NOX4: variants seen among roughly 807,000 people sequenced by gnomAD.
NOX4 encodes the protein kidney oxidase-1.
Under a neutral mutation model 87.6 loss-of-function variants are expected in NOX4, and 69 were observed. The observed-to-expected ratio is 0.79, with a 90% CI of 0.65 to 0.96. The LOEUF is 0.96. Among genes scored for constraint, NOX4 ranks in the 40% least tolerant of loss-of-function variants. The pLI is 0.00. For synonymous variants in NOX4, 275 were observed against 238.2 expected (o/e 1.15, Z -1.42); for missense variants, 680 against 681.5 (o/e 1.00, Z 0.02).
rs537232722 is a variant in NOX4 at position 89,324,957 on chromosome 11, T to C, written c.*1799A>G. The C allele has an allele frequency of 3.9e-5, 6 of 152,018 alleles. No individual in the cohort carries two copies. The highest frequency in any genetic ancestry group is 3.9e-4 in the Admixed American group (6 of 15,280). 9.4% of individuals were successfully genotyped at this position (152,018 alleles called of 1,614,324 possible). The stretch of plus-strand genomic sequence containing the variant: ...ATGCTTGATTGCTATTGGTGAATTA[T>C]AGCAAAAAAAGGCCTTAGCATCTAT... On this transcript the variant is annotated 3_prime_UTR_variant, in exon 18 of 18. Coordinates refer to ENST00000263317, the MANE Select transcript of NOX4 (RefSeq NM_016931.5).
At chr11:89,469,275 A>C (rs574728223) in intron 2 of NOX4, among the ~76,000 whole-genome samples, 2 of 152,274 alleles carry the variant, frequency 1.3e-5, no homozygotes, top group South Asian at 4.1e-4. Flanking sequence ...GAGTTGAAAA[A>C]GCCAGAGAGG....
chr11:89,421,957 AC>A lies in NOX4; in HGVS notation c.573del (p.Trp191CysfsTer14). ...AIRVSNYDIFWYTHNLFFVFY... is the reference protein window; with the variant it reads ...AIRVSNYDIFXYTHNLFFVFY... The stretch of plus-strand genomic sequence containing the variant: ...AAGACAAAGAAGAGGTTATGAGTAT[AC>A]CAGAAGATATCATAGTTAGAAACTC... On this transcript the variant is annotated frameshift_variant, in exon 8 of 18. Transcript: ENST00000263317. LOFTEE classifies it high-confidence loss of function. The A allele has an allele frequency of 6.4e-7, 1 of 1,556,584 alleles. No homozygotes were observed. The highest frequency in any genetic ancestry group is 1.2e-5 in the South Asian group (1 of 82,168).
At chr11:89,491,609 G>A, upstream of NOX4, 1 of 272,118 alleles carries the variant, frequency 3.7e-6, no homozygotes, top group Non-Finnish European at 6.9e-6. Context: ...GATGTCCCGG[G>A]TGGGAACTTG....
chr11:89,416,507 A>T (rs540457958), intron 8 of NOX4, among the ~76,000 whole-genome samples: 5 of 152,296 alleles, frequency 3.3e-5, no homozygotes, highest in Admixed American at 1.3e-4. Context: ...TCTATCCTCT[A>T]ACAGTATATC....
the NOX4 span, among the ~76,000 whole-genome samples, chr11:89,575,343 C>T: frequency 2.0e-5 from 3 of 151,890 alleles, no homozygotes; most frequent in Non-Finnish European, 4.4e-5. Flanking sequence ...GTGATGATGC[C>T]AAGAAATTTT....
At chr11:89,373,308 ACCCAGAAC>A in intron 12 of NOX4, 116 bp downstream of exon 12, 1 of 534,320 alleles carries the variant, frequency 1.9e-6, no homozygotes, top group Non-Finnish European at 3.3e-6. Flanking sequence ...ACAAAAAAAA[ACCCAGAAC>A]AGCTTGAAAC....
Position 89,339,653 on chromosome 11 carries a change from T to C in NOX4, c.1446+410A>G, listed in dbSNP as rs12099272. On this transcript the variant is annotated intron_variant, in intron 15 of 17. Coordinates refer to ENST00000263317, the MANE Select transcript of NOX4 (RefSeq NM_016931.5). The stretch of plus-strand genomic sequence containing the variant: ...CAAAAAGTCTGGTGATTTGCAGTAT[T>C]AAAGATGGCAATCAAGGGTAAGTGC... 9.6e-3 allele frequency among the ~76,000 whole-genome samples: 1,465 copies of C among 152,236 alleles called. 18 individuals are homozygous for C. Among genetic ancestry groups the C allele is most frequent in the African/African-American group, 0.032 (1,341 of 41,548 alleles).
intron 11 of NOX4, among the ~76,000 whole-genome samples, chr11:89,394,215 A>G (rs1382085939): frequency 1.3e-5 from 2 of 152,152 alleles, no homozygotes; most frequent in Admixed American, 6.6e-5. Flanking sequence ...TCTTTGATAC[A>G]CTGTTTTAAG....
chr11:89,446,749 A>G (rs1431846496), intron 4 of NOX4, among the ~76,000 whole-genome samples: 1 of 152,122 alleles, frequency 6.6e-6, no homozygotes, highest in East Asian at 1.9e-4. Context: ...AGCACAGAGG[A>G]TTTTTAGGGC....
At chr11:89,405,496 T>C (rs1942117184) in intron 8 of NOX4, among the ~76,000 whole-genome samples, 2 of 151,874 alleles carry the variant, frequency 1.3e-5, no homozygotes, top group Admixed American at 6.6e-5. Context: ...AAAAACAATA[T>C]GGTATATGCC....
intron 11 of NOX4, among the ~76,000 whole-genome samples, chr11:89,385,376 C>T (rs748828150): frequency 1.3e-5 from 2 of 152,136 alleles, no homozygotes; most frequent in Non-Finnish European, 2.9e-5. Context: ...AAAAAAGCAG[C>T]TAGCATTCCA....
upstream of NOX4, among the ~76,000 whole-genome samples, chr11:89,492,670 T>C (rs1368692015): frequency 1.3e-5 from 2 of 152,202 alleles, no homozygotes; most frequent in Non-Finnish European, 2.9e-5. Flanking sequence ...AGAGAGCATA[T>C]TGTTTATAAA....
At chr11:89,331,970 G>A (rs1194013211) in intron 17 of NOX4, among the ~76,000 whole-genome samples, 1 of 149,608 alleles carries the variant, frequency 6.7e-6, no homozygotes, top group African/African-American at 2.5e-5. Context: ...TACTAAATTT[G>A]CATTAGAATG....
intron 11 of NOX4, among the ~76,000 whole-genome samples, chr11:89,395,243 G>C (rs545697090): frequency 2.6e-5 from 4 of 152,174 alleles, no homozygotes; most frequent in South Asian, 2.1e-4. Flanking sequence ...TTGCATTTCT[G>C]TGATGGCCAG....
the NOX4 span, among the ~76,000 whole-genome samples, chr11:89,547,395 T>C: frequency 8.5e-5 from 13 of 152,148 alleles, no homozygotes; most frequent in Admixed American, 8.5e-4. Context: ...AATTTCTCCT[T>C]CTTGAAGCTT....
At position 89,464,482 on chromosome 11, in the gene NOX4, C is replaced by T. The variant is rs192691130; in HGVS notation, c.154-12587G>A. On this transcript the variant is annotated intron_variant, in intron 2 of 17. Transcript: ENST00000263317. ...TATAAGAAAACATTTTATCTAGTTA[C>T]TACATGAGCAATATTCTATTAGCTA... Among the ~76,000 whole-genome samples, 359 of 152,234 alleles carry T rather than the reference C, an allele frequency of 2.4e-3. 1 individual carries two copies. The highest frequency in any genetic ancestry group is 8.4e-3 in the African/African-American group (349 of 41,536).
the NOX4 span, among the ~76,000 whole-genome samples, chr11:89,504,628 C>T: frequency 1.4e-4 from 22 of 151,936 alleles, no homozygotes; most frequent in African/African-American, 4.3e-4. Flanking sequence ...AAGATGATTC[C>T]GTATTCAACT....
chr11:89,445,524 T>C (rs906551966), intron 4 of NOX4, among the ~76,000 whole-genome samples: 1 of 151,980 alleles, frequency 6.6e-6, no homozygotes, highest in African/African-American at 2.4e-5. Context: ...AAAAGACAAA[T>C]AGATTAATGG....
intron 7 of NOX4, among the ~76,000 whole-genome samples, chr11:89,427,312 G>A (rs1355879553): frequency 1.3e-5 from 2 of 152,156 alleles, no homozygotes; most frequent in East Asian, 1.9e-4. Context: ...AAAAATCAGA[G>A]CGCCTCTCCC....
Sources: gnomAD v4.1 joint callset for allele counts (sites outside exome capture counted in the v4.1 genomes callset) on GRCh38, gnomAD v4.1.1 for gene constraint, MANE v1.5 for transcripts, NCBI Gene and HGNC (gene_info 2026-07-23, HGNC 2026-07-21) for gene names.